KCNU1: variants seen among roughly 807,000 people sequenced by gnomAD.
KCNU1 encodes the protein potassium calcium-activated channel subfamily U member 1.
A neutral mutation model predicts 126.8 loss-of-function variants in KCNU1; 93 were observed. The observed-to-expected ratio is 0.73, with a 90% CI of 0.62 to 0.87. KCNU1 has a LOEUF of 0.87. Ranked by LOEUF, KCNU1 falls within the 40% of genes least tolerant of loss-of-function variation. The pLI is 0.00. For missense variants in KCNU1, 1,330 were observed against 1,367.1 expected (o/e 0.97, Z 0.43); for synonymous variants, 523 against 494.2 (o/e 1.06, Z -0.77).
Position 36,805,193 on chromosome 8 carries a change from AGCCCTG to A in KCNU1, c.378-1_382del. 1 of 1,604,666 alleles carries A rather than the reference AGCCCTG, an allele frequency of 6.2e-7. No homozygotes were observed. Among genetic ancestry groups the A allele is most frequent in the Non-Finnish European group, 8.5e-7 (1 of 1,173,174 alleles). ...CACAAACTGTCCTTCTTTCTTTTCC[AGCCCTG>A]TTGGAAGCTGTTCATCATATGAAGA... On this transcript the variant is annotated splice_acceptor_variant and coding_sequence_variant, in exon 4 of 27. Coordinates refer to ENST00000399881, the MANE Select transcript of KCNU1 (RefSeq NM_001031836.3). LOFTEE classifies it high-confidence loss of function.
chr8:36,804,775 T>C (rs1026222067), intron 3 of KCNU1, among the ~76,000 whole-genome samples: 2 of 152,202 alleles, frequency 1.3e-5, no homozygotes, highest in Admixed American at 6.5e-5. Flanking sequence ...AGAGATCTTT[T>C]AGGAGATTTT....
chr8:36,895,758 CTA>C (rs1807165328), intron 19 of KCNU1, among the ~76,000 whole-genome samples: 1 of 152,068 alleles, frequency 6.6e-6, no homozygotes, highest in African/African-American at 2.4e-5. Flanking sequence ...TAAAAAAATT[CTA>C]TATTTCAAAG....
chr8:36,897,391 A>G (rs1286874056), intron 19 of KCNU1, among the ~76,000 whole-genome samples: 1 of 152,042 alleles, frequency 6.6e-6, no homozygotes, highest in South Asian at 2.1e-4. Flanking sequence ...AAGGAAATAA[A>G]TGACTTCCAG....
In KCNU1 at chr8:36,787,328, T is replaced by A. The variant is rs978544756; in HGVS notation, c.218T>A (p.Ile73Asn). Residue 73 changes from isoleucine to asparagine, a missense_variant, in exon 2 of 27, where the codon ATC (isoleucine) becomes AAC (asparagine). Physicochemically the swap from Ile to Asn is moderately radical, Grantham distance 149. Coordinates refer to ENST00000399881, the MANE Select transcript of KCNU1 (RefSeq NM_001031836.3). ...IILELFTSGT[I>N]ARSHVRSLHF... ...TAGGAACTGTTCACATCAGGTACCA[T>A]CGCTAGGAGCCATGTAAGAAGCCTC... 4 of 1,611,580 alleles carry A rather than the reference T, an allele frequency of 2.5e-6. 1 individual carries two copies. In the South Asian group the frequency reaches 4.4e-5, roughly 18 times the overall value.
chr8:36,811,277 T>C (rs1428548519), intron 7 of KCNU1, among the ~76,000 whole-genome samples: 1 of 152,138 alleles, frequency 6.6e-6, no homozygotes, highest in African/African-American at 2.4e-5. Context: ...GATTAAAGGA[T>C]AGACTGTATT....
intron 10 of KCNU1, among the ~76,000 whole-genome samples, chr8:36,819,047 T>C (rs1705949243): frequency 6.6e-6 from 1 of 152,230 alleles, no homozygotes; most frequent in Non-Finnish European, 1.5e-5. Flanking sequence ...TGCACTTTTA[T>C]GATCTAACAT....
chr8:36,801,490 G>A (rs892745295), intron 2 of KCNU1, among the ~76,000 whole-genome samples: 2 of 150,756 alleles, frequency 1.3e-5, no homozygotes, highest in Non-Finnish European at 2.9e-5. Flanking sequence ...GGGTTGGGGG[G>A]GTTGTAAACG....
At chr8:36,784,795 C>A (rs553552392) in intron 1 of KCNU1, among the ~76,000 whole-genome samples, 190 bp downstream of exon 1, 11 of 152,264 alleles carry the variant, frequency 7.2e-5, no homozygotes, top group Non-Finnish European at 1.3e-4. Context: ...GAGACAGGGC[C>A]AAGCCTCTTC....
chr8:36,837,427 T>G (rs1804791959), intron 14 of KCNU1, among the ~76,000 whole-genome samples: 2 of 152,272 alleles, frequency 1.3e-5, no homozygotes, highest in Non-Finnish European at 2.9e-5. Context: ...AAGGGAGCAT[T>G]CCATGCAGGA....
chr8:36,892,841 C>T (rs546587908), intron 19 of KCNU1, among the ~76,000 whole-genome samples: 2 of 152,214 alleles, frequency 1.3e-5, no homozygotes, highest in African/African-American at 2.4e-5. Context: ...TTAGGAATAC[C>T]TCAGGTTTTT....
chr8:36,910,744 T>C (rs368431744), intron 21 of KCNU1, among the ~76,000 whole-genome samples, 186 bp from the exon 22 acceptor site: 4 of 152,154 alleles, frequency 2.6e-5, no homozygotes, highest in African/African-American at 9.7e-5. Flanking sequence ...GTATTCACAC[T>C]AAAATATTAA....
chr8:36,830,882 A>G (rs1268837834), intron 10 of KCNU1, among the ~76,000 whole-genome samples: 1 of 148,966 alleles, frequency 6.7e-6, no homozygotes, highest in African/African-American at 2.5e-5. Context: ...AGCATTAGGT[A>G]TATCTCCCGA....
At chr8:36,816,196 T>G (rs1803904388) in intron 9 of KCNU1, among the ~76,000 whole-genome samples, 1 of 152,194 alleles carries the variant, frequency 6.6e-6, no homozygotes, top group South Asian at 2.1e-4. Context: ...TTCTACCCTG[T>G]CTTCTATAGC....
chr8:36,819,491 A>G (rs1005321361), intron 10 of KCNU1, among the ~76,000 whole-genome samples: 1 of 152,156 alleles, frequency 6.6e-6, no homozygotes, highest in Non-Finnish European at 1.5e-5. Flanking sequence ...ATTTTGTCCC[A>G]TATGTAAATC....
In KCNU1 at chr8:36,918,960, C is replaced by T; in HGVS notation, c.2596+63C>T. Reference sequence around the variant, plus strand: ...TTTTTGTGATATATAATTTATGTTCCAAGGATCTTTTTAGAATGCACAATC... The same window carrying T: ...TTTTTGTGATATATAATTTATGTTCTAAGGATCTTTTTAGAATGCACAATC... On this transcript the variant is annotated intron_variant, in intron 23 of 26. Transcript: ENST00000399881. 4 of 1,064,830 alleles carry T rather than the reference C, an allele frequency of 3.8e-6. No homozygotes were observed. In the South Asian group the frequency reaches 5.1e-5, roughly 14 times the overall value. The allele number at this position is 1,064,830 out of a possible 1,614,324, so 66.0% of individuals were successfully genotyped here. A position where few individuals can be genotyped will look rare whatever the true frequency, so the allele number is the denominator to read the frequency against.
intron 23 of KCNU1, 94 bp from the exon 24 acceptor site, chr8:36,922,396 T>C: frequency 7.5e-7 from 1 of 1,324,994 alleles, no homozygotes; most frequent in Non-Finnish European, 1.0e-6. Flanking sequence ...TCAGATCTTT[T>C]GATCAAGTGG....
At chr8:36,833,769 G>A in intron 11 of KCNU1, 110 bp downstream of exon 11, 2 of 612,036 alleles carry the variant, frequency 3.3e-6, no homozygotes, top group Non-Finnish European at 5.8e-6. Flanking sequence ...TTTAATTGGT[G>A]GAAAATATAA....
intron 2 of KCNU1, among the ~76,000 whole-genome samples, chr8:36,794,233 AC>A (rs1803011150): frequency 6.6e-6 from 1 of 150,604 alleles, no homozygotes; most frequent in Non-Finnish European, 1.5e-5. Context: ...ATTAGAAAGA[AC>A]CTTTTTTTTT....
intron 10 of KCNU1, among the ~76,000 whole-genome samples, chr8:36,830,459 A>G (rs1357660815): frequency 2.0e-5 from 3 of 152,058 alleles, no homozygotes; most frequent in East Asian, 1.9e-4. Context: ...AGGTGATTAT[A>G]TAAGTGTTGT....
Sources: allele counts gnomAD v4.1 joint callset (sites outside exome capture counted in the v4.1 genomes callset), GRCh38; gene constraint gnomAD v4.1.1; transcripts MANE v1.5; gene names NCBI Gene and HGNC (gene_info 2026-07-23, HGNC 2026-07-21).